DNAJB4: variants seen among roughly 807,000 people sequenced by gnomAD.
DNAJB4 encodes dnaJ homolog subfamily B member 4.
DNAJB4 carries 10 observed loss-of-function variants against 26.6 expected under a neutral mutation model. That is an observed-to-expected ratio of 0.38 (90% confidence interval 0.23 to 0.64). The LOEUF is 0.64. Ranked by LOEUF, DNAJB4 falls within the 30% of genes least tolerant of loss-of-function variation. The probability of loss-of-function intolerance (pLI) is 0.58; values close to 1 mark genes in which losing one functional copy is unlikely to be tolerated. For missense variants in DNAJB4, 328 were observed against 408.2 expected, an observed-to-expected ratio of 0.80 and a Z score of 1.69; for synonymous variants, 136 against 134.8, an observed-to-expected ratio of 1.01 and a Z score of -0.06.
Position 78,016,268 on chromosome 1 carries a change from A to G in DNAJB4, c.*21A>G, listed in dbSNP as rs376407011. 3.8e-6 allele frequency: 6 copies of G among 1,593,174 alleles called. No homozygotes were observed. In the African/African-American group the frequency reaches 6.7e-5, roughly 18 times the overall value. ...CATAGAATGAAGAACTTTGTTACAC[A>G]TATTTTGATAAGGCACTGAAAATAT... On this transcript the variant is annotated 3_prime_UTR_variant, in exon 3 of 3. Transcript: ENST00000370763.
intron 1 of DNAJB4, among the ~76,000 whole-genome samples, chr1:77,991,430 A>G (rs1659929329): frequency 6.6e-6 from 1 of 152,168 alleles, no homozygotes; most frequent in African/African-American, 2.4e-5. Context: ...AGACATACGC[A>G]TGTTCAGAGT....
intron 1 of DNAJB4, among the ~76,000 whole-genome samples, chr1:77,990,996 G>A (rs1456550797): frequency 6.6e-6 from 1 of 152,198 alleles, no homozygotes; most frequent in African/African-American, 2.4e-5. Context: ...TATGTAAGGT[G>A]ATGTGTAATA....
intron 1 of DNAJB4, among the ~76,000 whole-genome samples, chr1:78,006,300 T>G (rs189340397): frequency 3.9e-5 from 6 of 152,308 alleles, no homozygotes; most frequent in Non-Finnish European, 8.8e-5. Context: ...AATTGCTAAT[T>G]GATAACACAA....
intron 1 of DNAJB4, among the ~76,000 whole-genome samples, chr1:77,988,517 C>A (rs142489521): frequency 6.6e-6 from 1 of 152,208 alleles, no homozygotes; most frequent in Non-Finnish European, 1.5e-5. Context: ...TTCACCATCT[C>A]TATCATTCTG....
intron 2 of DNAJB4, among the ~76,000 whole-genome samples, 199 bp from the exon 3 acceptor site, chr1:78,015,815 T>C (rs984412348): frequency 3.3e-4 from 50 of 152,050 alleles, no homozygotes; most frequent in African/African-American, 1.2e-3. Context: ...TCCCAAAATG[T>C]TGAGATTACA....
upstream of DNAJB4, among the ~76,000 whole-genome samples, chr1:78,001,716 T>G (rs1333907909): frequency 1.3e-5 from 2 of 152,190 alleles, no homozygotes; most frequent in African/African-American, 4.8e-5. Flanking sequence ...TTAGTAGAGA[T>G]AAGGTCTCAT....
At chr1:77,995,602 G>A (rs1346398542) in intron 1 of DNAJB4, among the ~76,000 whole-genome samples, 2 of 152,102 alleles carry the variant, frequency 1.3e-5, no homozygotes, top group East Asian at 1.9e-4. Context: ...ACAGGTGCAT[G>A]CCACTACATC....
intron 1 of DNAJB4, among the ~76,000 whole-genome samples, chr1:77,987,590 ACTC>A (rs1441685363): frequency 6.6e-5 from 10 of 151,848 alleles, no homozygotes; most frequent in African/African-American, 2.4e-4. Flanking sequence ...CCAATATTGA[ACTC>A]CTCAGTTTCT....
intron 1 of DNAJB4, among the ~76,000 whole-genome samples, chr1:78,007,302 C>T (rs996053234): frequency 9.2e-5 from 14 of 152,098 alleles, no homozygotes; most frequent in Non-Finnish European, 2.1e-4. Context: ...ATTGAATGGG[C>T]CAGGCGCCGT....
At chr1:77,993,998 C>T (rs553878544) in intron 1 of DNAJB4, among the ~76,000 whole-genome samples, 18 of 152,068 alleles carry the variant, frequency 1.2e-4, no homozygotes, top group Non-Finnish European at 2.6e-4. Context: ...TTAAAGTCTT[C>T]GAATCATAGT....
At chr1:77,981,732 TG>T (rs753158797) in intron 1 of DNAJB4, among the ~76,000 whole-genome samples, 14 of 152,302 alleles carry the variant, frequency 9.2e-5, no homozygotes, top group Non-Finnish European at 1.8e-4. Flanking sequence ...GAGGAATATT[TG>T]GGGGGTTGCT....
chr1:77,983,025 C>G (rs1659697411), intron 1 of DNAJB4, among the ~76,000 whole-genome samples: 1 of 152,180 alleles, frequency 6.6e-6, no homozygotes, highest in African/African-American at 2.4e-5. Flanking sequence ...ATCCCGCCAG[C>G]CTCTGAGTTC....
intron 1 of DNAJB4, among the ~76,000 whole-genome samples, chr1:77,982,309 C>T (rs1445140517): frequency 6.6e-6 from 1 of 152,166 alleles, no homozygotes; most frequent in Non-Finnish European, 1.5e-5. Flanking sequence ...CTTATTCTCC[C>T]TTTTTTTGTG....
Position 77,998,749 on chromosome 1 carries a change from A to G in DNAJB4, c.-31-6331A>G, listed in dbSNP as rs187921418. Reference sequence around the variant, plus strand: ...GCTACTCTGGGGGCTGAGGTGGGAAAATGGCTTGAGCTCAGGAGGTCGAGG... The same window carrying G: ...GCTACTCTGGGGGCTGAGGTGGGAAGATGGCTTGAGCTCAGGAGGTCGAGG... On this transcript the variant is annotated intron_variant, in intron 1 of 2. Coordinates refer to the DNAJB4 transcript ENST00000426517. Among the ~76,000 whole-genome samples, 822 of 152,044 alleles carry G rather than the reference A, an allele frequency of 5.4e-3. 15 individuals are homozygous for G. Among genetic ancestry groups the G allele is most frequent in the Non-Finnish European group, 6.9e-3 (472 of 67,958 alleles).
upstream of DNAJB4, chr1:77,979,230 A>G: frequency 1.9e-6 from 1 of 533,380 alleles, no homozygotes; most frequent in South Asian, 2.6e-5. Context: ...CGTCGCGAGG[A>G]TTAAGTTTAA....
chr1:78,011,065 C>T lies in DNAJB4; in HGVS notation c.212-1986C>T, dbSNP rs760008269. 1.2e-3 allele frequency among the ~76,000 whole-genome samples: 177 copies of T among 152,194 alleles called. 1 individual carries two copies. The highest frequency in any genetic ancestry group is 5.4e-4 in the Non-Finnish European group (37 of 67,988). On this transcript the variant is annotated intron_variant, in intron 1 of 2. Transcript: ENST00000370763. Reference sequence around the variant, plus strand: ...GTTTTATGATTTTTAGATTCTTTTCCTGCTTGTTTCTTGATCTGTATTGAC... The same window carrying T: ...GTTTTATGATTTTTAGATTCTTTTCTTGCTTGTTTCTTGATCTGTATTGAC...
chr1:77,979,287 T>C (rs1319598397), upstream of DNAJB4: 2 of 416,214 alleles, frequency 4.8e-6, no homozygotes, highest in East Asian at 7.6e-5. Context: ...CTCCGCGCGT[T>C]CTTGGGGTGA....
Position 78,017,896 on chromosome 1 carries a change from CTT to C in DNAJB4, c.*1652_*1653del, listed in dbSNP as rs1321231938. The C allele has an allele frequency of 1.3e-5, 2 of 149,882 alleles. No homozygotes were observed. The highest frequency in any genetic ancestry group is 4.0e-4 in the East Asian group (2 of 4,990). 9.3% of individuals were successfully genotyped at this position (149,882 alleles called of 1,614,324 possible). A position where few individuals can be genotyped will look rare whatever the true frequency, so the allele number is the denominator to read the frequency against. On this transcript the variant is annotated 3_prime_UTR_variant, in exon 3 of 3. Transcript: ENST00000370763. ...TATGGATATACCACAATTTGTTTAT[CTT>C]TTCATTAATTATGGGCATTTGGCTT...
At chr1:78,004,551 C>T (rs1361309223), upstream of DNAJB4, 1 of 152,188 alleles carries the variant, frequency 6.6e-6, no homozygotes, top group Non-Finnish European at 1.5e-5. Context: ...ATTAAAAAAT[C>T]CCTAAAGTAG....
Sources: allele counts gnomAD v4.1 joint callset (sites outside exome capture counted in the v4.1 genomes callset), GRCh38; gene constraint gnomAD v4.1.1; transcripts MANE v1.5; gene names NCBI Gene and HGNC (gene_info 2026-07-23, HGNC 2026-07-21).